The following SYT14 variants were observed in gnomAD, a reference collection of about 807,000 sequenced individuals.
The protein encoded by SYT14 is synaptotagmin 14, also known as synaptotagmin-14.
A neutral mutation model predicts 74.2 loss-of-function variants in SYT14; 32 were observed. The ratio of observed to expected loss-of-function variants is 0.43; its 90% CI spans 0.33 to 0.58. The LOEUF (loss-of-function observed/expected upper bound fraction) is 0.58, where lower values mean the gene tolerates loss of function less well. Ranked by LOEUF, SYT14 falls within the 20% of genes least tolerant of loss-of-function variation. The pLI is 0.05. For missense variants in SYT14, 791 were observed against 981.8 expected (o/e 0.81, Z 2.60); for synonymous variants, 298 against 337.7 (o/e 0.88, Z 1.29).
intron 1 of SYT14, among the ~76,000 whole-genome samples, chr1:209,941,758 C>T (rs12239590): frequency 3.3e-5 from 5 of 152,156 alleles, no homozygotes; most frequent in African/African-American, 4.8e-5. Context: ...TTTTGTACCC[C>T]TTAGGTTTTG....
At chr1:210,011,995 A>G (rs903500349) in intron 2 of SYT14, among the ~76,000 whole-genome samples, 1 of 152,188 alleles carries the variant, frequency 6.6e-6, no homozygotes, top group African/African-American at 2.4e-5. Flanking sequence ...TTCTTGCTGT[A>G]TAAAACCTCT....
At chr1:210,113,847 A>G (rs1051368480) in intron 7 of SYT14, among the ~76,000 whole-genome samples, 5 of 151,334 alleles carry the variant, frequency 3.3e-5, no homozygotes, top group African/African-American at 1.2e-4. Context: ...AATGTTGTCC[A>G]AGTTGGCACC....
At chr1:210,072,293 G>A (rs1178486406) in intron 5 of SYT14, among the ~76,000 whole-genome samples, 1 of 151,794 alleles carries the variant, frequency 6.6e-6, no homozygotes, top group Non-Finnish European at 1.5e-5. Context: ...TGGTATCCAT[G>A]GTAACTCCAA....
exon 10 of SYT14, chr1:210,161,249 CTG>C: frequency 1.5e-6 from 1 of 676,060 alleles, no homozygotes; most frequent in African/African-American, 1.8e-5. Context: ...GTTTAGGAAA[CTG>C]AGAAACGTAC....
chr1:209,938,237 A>C (rs1481741589), exon 1 of SYT14: 1 of 1,540,482 alleles, frequency 6.5e-7, no homozygotes, highest in African/African-American at 1.4e-5. Context: ...CCCGCCATCC[A>C]GTTGGTGCGG....
chr1:209,946,446 T>C (rs1002744651), intron 1 of SYT14, among the ~76,000 whole-genome samples: 2 of 152,230 alleles, frequency 1.3e-5, no homozygotes, highest in Admixed American at 6.5e-5. Context: ...ATTGCTGATA[T>C]GGAGAAGTTT....
Position 210,109,674 on chromosome 1 carries a change from T to G in SYT14, c.2034+9213T>G, listed in dbSNP as rs139084578. 8.0e-3 allele frequency among the ~76,000 whole-genome samples: 1,217 copies of G among 151,446 alleles called. 14 individuals carry two copies. Among genetic ancestry groups the G allele is most frequent in the African/African-American group, 0.028 (1,153 of 41,254 alleles). On this transcript the variant is annotated intron_variant, in intron 7 of 9. Coordinates refer to ENST00000637265, the Ensembl canonical transcript of SYT14. ...AATGCTTTTACACTGTTGGTGGGAG[T>G]GTAAATTAGTTCAGCCATTGTGGAA...
At chr1:209,943,679 T>C (rs1384416906) in intron 1 of SYT14, among the ~76,000 whole-genome samples, 1 of 152,136 alleles carries the variant, frequency 6.6e-6, no homozygotes, top group East Asian at 1.9e-4. Context: ...AGTATATGTG[T>C]GGTAGTATAA....
At chr1:209,976,415 G>T (rs1220005518) in intron 2 of SYT14, among the ~76,000 whole-genome samples, 1 of 151,544 alleles carries the variant, frequency 6.6e-6, no homozygotes, top group Non-Finnish European at 1.5e-5. Flanking sequence ...CTTTGTTCTC[G>T]TTGGTTTCAA....
intron 5 of SYT14, among the ~76,000 whole-genome samples, chr1:210,037,052 G>A (rs1267176694): frequency 6.6e-6 from 1 of 151,876 alleles, no homozygotes; most frequent in Non-Finnish European, 1.5e-5. Context: ...AATTTATCTG[G>A]TCCTGGGCTT....
At chr1:210,152,849 G>A (rs984943200) in intron 7 of SYT14, among the ~76,000 whole-genome samples, 2 of 132,570 alleles carry the variant, frequency 1.5e-5, no homozygotes, top group South Asian at 2.6e-4. Flanking sequence ...CTTGGTTTGA[G>A]GTTTTGGTTT....
intron 5 of SYT14, among the ~76,000 whole-genome samples, chr1:210,034,534 A>G (rs1006439316): frequency 2.0e-5 from 3 of 151,660 alleles, no homozygotes; most frequent in Non-Finnish European, 3.0e-5. Flanking sequence ...TAGTGTAACC[A>G]TTACCCAAAT....
rs1553289530 is a variant in SYT14, at chr1:210,151,511, C to CA, written c.2035-4210_2035-4209insA. ...CTGAAATTATAGGCGAATGCCCCCC[C>CA]CCTTTTTTTTTTTTTTAACTACAGT... On this transcript the variant is annotated intron_variant, in intron 7 of 9. Coordinates refer to ENST00000637265, the Ensembl canonical transcript of SYT14. 3.1e-3 allele frequency among the ~76,000 whole-genome samples: 440 copies of CA among 139,708 alleles called. 5 individuals carry two copies. The highest frequency in any genetic ancestry group is 5.2e-3 in the Non-Finnish European group (346 of 66,328). 91.7% of individuals were successfully genotyped at this position (139,708 alleles called of 152,430 possible).
chr1:210,014,655 C>T (rs1315142613), intron 3 of SYT14, among the ~76,000 whole-genome samples: 1 of 152,006 alleles, frequency 6.6e-6, no homozygotes, highest in Non-Finnish European at 1.5e-5. Flanking sequence ...TTATAAGACT[C>T]TATTAGTTAT....
chr1:210,134,170 G>A (rs1393036604), intron 7 of SYT14, among the ~76,000 whole-genome samples: 3 of 151,838 alleles, frequency 2.0e-5, no homozygotes, highest in South Asian at 2.1e-4. Context: ...TGGTGCAATC[G>A]TGGCTCACTG....
At chr1:210,121,598 T>C (rs539663242) in intron 7 of SYT14, among the ~76,000 whole-genome samples, 1 of 152,014 alleles carries the variant, frequency 6.6e-6, no homozygotes, top group Non-Finnish European at 1.5e-5. Flanking sequence ...ATTGAGACCA[T>C]CCTGGCTAAC....
chr1:209,944,889 A>C (rs1232999931), intron 1 of SYT14, among the ~76,000 whole-genome samples: 5 of 152,142 alleles, frequency 3.3e-5, no homozygotes, highest in Non-Finnish European at 7.4e-5. Flanking sequence ...AGAGAAGAAA[A>C]CATCTCCAGA....
intron 5 of SYT14, among the ~76,000 whole-genome samples, chr1:210,032,167 G>A (rs896440420): frequency 6.6e-6 from 1 of 151,978 alleles, no homozygotes; most frequent in African/African-American, 2.4e-5. Flanking sequence ...GCTAGATTAA[G>A]AAAGATTAAG....
chr1:210,083,914 A>C (rs887007214), intron 5 of SYT14, among the ~76,000 whole-genome samples: 5 of 152,168 alleles, frequency 3.3e-5, no homozygotes, highest in African/African-American at 1.2e-4. Flanking sequence ...TATGTTGCCC[A>C]GGCTGGACTG....
Sources: allele counts gnomAD v4.1 joint callset (sites outside exome capture counted in the v4.1 genomes callset), GRCh38; gene constraint gnomAD v4.1.1; transcripts MANE v1.5; gene names NCBI Gene and HGNC (gene_info 2026-07-23, HGNC 2026-07-21).